The following ST8SIA1 variants were observed in gnomAD, a reference collection of about 807,000 sequenced individuals.
The protein encoded by ST8SIA1 is alpha-N-acetylneuraminide alpha-2,8-sialyltransferase.
ST8SIA1 carries 16 observed loss-of-function variants against 35.9 expected under a neutral mutation model. The ratio of observed to expected loss-of-function variants is 0.45; its 90% CI spans 0.30 to 0.68. The LOEUF is 0.68. Among genes scored for constraint, ST8SIA1 ranks in the 30% least tolerant of loss-of-function variants. The pLI is 0.09. For synonymous variants in ST8SIA1, 170 were observed against 169.6 expected, an observed-to-expected ratio of 1.00 and a Z score of -0.02; for missense variants, 383 against 453.6, an observed-to-expected ratio of 0.84 and a Z score of 1.41.
intron 1 of ST8SIA1, among the ~76,000 whole-genome samples, chr12:22,315,691 A>G (rs1866509658): frequency 6.6e-6 from 1 of 151,946 alleles, no homozygotes. Flanking sequence ...TGAGGGAACT[A>G]AACACCTCTG....
At chr12:22,296,677 G>T (rs1019250413) in intron 1 of ST8SIA1, among the ~76,000 whole-genome samples, 1 of 152,152 alleles carries the variant, frequency 6.6e-6, no homozygotes, top group Non-Finnish European at 1.5e-5. Context: ...AGGGAAGTGG[G>T]TATCTATCAC....
intron 4 of ST8SIA1, among the ~76,000 whole-genome samples, chr12:22,217,207 T>C (rs1565569326): frequency 6.6e-6 from 1 of 152,226 alleles, no homozygotes. Flanking sequence ...GTTCATCTCT[T>C]ATGGTCTCTC....
At chr12:22,329,849 C>T (rs1037353370) in intron 1 of ST8SIA1, among the ~76,000 whole-genome samples, 1 of 152,216 alleles carries the variant, frequency 6.6e-6, no homozygotes, top group Non-Finnish European at 1.5e-5. Context: ...AACCACTTCA[C>T]TGTATTAACC....
intron 2 of ST8SIA1, among the ~76,000 whole-genome samples, chr12:22,278,383 T>G (rs576760972): frequency 3.7e-4 from 56 of 152,342 alleles, no homozygotes; most frequent in African/African-American, 1.3e-3. Flanking sequence ...ACCTACAAAC[T>G]GTAGCAACTT....
At chr12:22,297,161 G>A (rs985905507) in intron 1 of ST8SIA1, among the ~76,000 whole-genome samples, 5 of 151,860 alleles carry the variant, frequency 3.3e-5, no homozygotes, top group Non-Finnish European at 7.4e-5. Flanking sequence ...GTGAAAGATG[G>A]GGAGAAGTTT....
intron 4 of ST8SIA1, among the ~76,000 whole-genome samples, chr12:22,209,974 T>C (rs4762892): frequency 0.77 from 117,786 of 152,128 alleles, 45,814 homozygotes; most frequent in South Asian, 0.93. Flanking sequence ...GCACGTGGCA[T>C]TAAGTAAATA....
intron 1 of ST8SIA1, among the ~76,000 whole-genome samples, chr12:22,292,281 A>C (rs113018232): frequency 0.011 from 1,675 of 152,338 alleles, 23 homozygotes; most frequent in African/African-American, 0.038. Context: ...AGAATTCCTC[A>C]TATCCCTCTT....
chr12:22,329,363 T>C (rs1346296958), intron 1 of ST8SIA1, among the ~76,000 whole-genome samples: 1 of 152,108 alleles, frequency 6.6e-6, no homozygotes, highest in Non-Finnish European at 1.5e-5. Flanking sequence ...AAAAAAAACA[T>C]ATATAAGTGC....
chr12:22,253,820 T>C (rs1384317560), intron 3 of ST8SIA1, among the ~76,000 whole-genome samples: 1 of 152,128 alleles, frequency 6.6e-6, no homozygotes, highest in Non-Finnish European at 1.5e-5. Context: ...ATCTAGACTC[T>C]CCTGCAGGCT....
chr12:22,318,935 G>A (rs1356068990), intron 1 of ST8SIA1, among the ~76,000 whole-genome samples: 4 of 152,046 alleles, frequency 2.6e-5, no homozygotes, highest in Non-Finnish European at 1.5e-5. Context: ...CCCTAACCAA[G>A]GTCCTTAAGC....
At chr12:22,204,318 G>A (rs1865083230) in intron 4 of ST8SIA1, among the ~76,000 whole-genome samples, 1 of 152,164 alleles carries the variant, frequency 6.6e-6, no homozygotes, top group African/African-American at 2.4e-5. Context: ...GTAATGTGGT[G>A]TTTTGATATG....
chr12:22,205,904 G>C (rs1187704401), intron 4 of ST8SIA1, among the ~76,000 whole-genome samples: 1 of 152,032 alleles, frequency 6.6e-6, no homozygotes, highest in Admixed American at 6.6e-5. Context: ...AAAGTAAAAA[G>C]GGAATTACTC....
At chr12:22,248,171 T>C (rs1037288471) in intron 4 of ST8SIA1, among the ~76,000 whole-genome samples, 1 of 152,140 alleles carries the variant, frequency 6.6e-6, no homozygotes, top group Admixed American at 6.5e-5. Context: ...TAGTGCCACG[T>C]TGTGAATAAG....
intron 4 of ST8SIA1, among the ~76,000 whole-genome samples, chr12:22,221,726 A>T (rs1865302525): frequency 6.6e-6 from 1 of 152,242 alleles, no homozygotes; most frequent in African/African-American, 2.4e-5. Context: ...ATCTATTTTC[A>T]TTTCACGTTG....
chr12:22,210,495 G>A (rs1031357080), intron 4 of ST8SIA1, among the ~76,000 whole-genome samples: 5 of 152,062 alleles, frequency 3.3e-5, no homozygotes, highest in African/African-American at 1.2e-4. Context: ...TTTTACAGCA[G>A]ACACCAGCTG....
chr12:22,330,519 T>C (rs1186216430), intron 1 of ST8SIA1, among the ~76,000 whole-genome samples: 1 of 152,220 alleles, frequency 6.6e-6, no homozygotes, highest in Non-Finnish European at 1.5e-5. Context: ...CATAAGGTTT[T>C]CACTCTGCTA....
At chr12:22,210,183 C>T (rs559562968) in intron 4 of ST8SIA1, among the ~76,000 whole-genome samples, 44 of 152,074 alleles carry the variant, frequency 2.9e-4, no homozygotes, top group Non-Finnish European at 5.4e-4. Flanking sequence ...TGCAGAATTA[C>T]GACTGCAGTT....
chr12:22,308,005 T>C (rs971527360), intron 1 of ST8SIA1, among the ~76,000 whole-genome samples: 1 of 152,170 alleles, frequency 6.6e-6, no homozygotes, highest in African/African-American at 2.4e-5. Context: ...TGCCCAGGCT[T>C]GTCTCAAATT....
chr12:22,254,729 C>A (rs566812619), intron 3 of ST8SIA1, among the ~76,000 whole-genome samples: 2 of 152,152 alleles, frequency 1.3e-5, no homozygotes, highest in Non-Finnish European at 2.9e-5. Context: ...CTGGAACTGA[C>A]GTGCACATCA....
Sources: allele counts gnomAD v4.1 joint callset (sites outside exome capture counted in the v4.1 genomes callset), GRCh38; gene constraint gnomAD v4.1.1; transcripts MANE v1.5; gene names NCBI Gene and HGNC (gene_info 2026-07-23, HGNC 2026-07-21).